The following NTNG1 variants were observed in gnomAD, a reference collection of about 807,000 sequenced individuals.
NTNG1 encodes the protein netrin-G1.
A neutral mutation model predicts 54.0 loss-of-function variants in NTNG1; 16 were observed. The observed-to-expected ratio is 0.30, with a 90% CI of 0.20 to 0.45. The LOEUF (loss-of-function observed/expected upper bound fraction) is 0.45, where lower values mean the gene tolerates loss of function less well. Among genes scored for constraint, NTNG1 ranks in the 20% least tolerant of loss-of-function variants. NTNG1 has a pLI of 1.00. For synonymous variants in NTNG1, 255 were observed against 263.1 expected, an observed-to-expected ratio of 0.97 and a Z score of 0.30; for missense variants, 530 against 678.7, an observed-to-expected ratio of 0.78 and a Z score of 2.43.
At chr1:107,274,735 T>G (rs943899167) in intron 2 of NTNG1, among the ~76,000 whole-genome samples, 11 of 152,166 alleles carry the variant, frequency 7.2e-5, no homozygotes, top group African/African-American at 2.7e-4. Flanking sequence ...TACAGACAGA[T>G]TGTAGAGGGT....
At chr1:107,262,369 A>G (rs1224817795) in intron 2 of NTNG1, among the ~76,000 whole-genome samples, 1 of 152,176 alleles carries the variant, frequency 6.6e-6, no homozygotes, top group African/African-American at 2.4e-5. Context: ...TAGAAAAGGT[A>G]TTTTGTCACA....
intron 2 of NTNG1, among the ~76,000 whole-genome samples, chr1:107,321,811 A>G (rs1667676005): frequency 6.6e-6 from 1 of 152,112 alleles, no homozygotes; most frequent in Non-Finnish European, 1.5e-5. Context: ...TCCTGTTTCT[A>G]CAACAGGGCT....
intron 6 of NTNG1, among the ~76,000 whole-genome samples, chr1:107,435,111 A>G (rs1174027797): frequency 6.6e-6 from 1 of 152,096 alleles, no homozygotes; most frequent in Non-Finnish European, 1.5e-5. Context: ...CGTTGGCCAG[A>G]TGTAACTCTG....
chr1:107,162,098 A>C (rs1268849229), intron 2 of NTNG1, among the ~76,000 whole-genome samples: 1 of 143,136 alleles, frequency 7.0e-6, no homozygotes, highest in Non-Finnish European at 1.6e-5. Context: ...ATGGAAATTT[A>C]GGAAGTTTCT....
chr1:107,295,537 G>C (rs1320702454), intron 2 of NTNG1, among the ~76,000 whole-genome samples: 1 of 152,122 alleles, frequency 6.6e-6, no homozygotes, highest in Non-Finnish European at 1.5e-5. Flanking sequence ...ATATCTGCTG[G>C]ACTTAGGTCC....
chr1:107,228,926 C>A (rs1660870093), intron 2 of NTNG1, among the ~76,000 whole-genome samples: 1 of 152,104 alleles, frequency 6.6e-6, no homozygotes, highest in Non-Finnish European at 1.5e-5. Flanking sequence ...CAGTGCATTT[C>A]TATTGAACTA....
chr1:107,444,815 G>A (rs901934951), intron 7 of NTNG1, among the ~76,000 whole-genome samples: 1 of 152,054 alleles, frequency 6.6e-6, no homozygotes, highest in African/African-American at 2.4e-5. Context: ...GCAACAGCCT[G>A]ATCCTACCTG....
chr1:107,462,154 T>A (rs1356691287), intron 7 of NTNG1, among the ~76,000 whole-genome samples: 3 of 152,218 alleles, frequency 2.0e-5, no homozygotes, highest in Non-Finnish European at 4.4e-5. Context: ...TTTTCTGTTT[T>A]CTATTGCCCT....
intron 7 of NTNG1, among the ~76,000 whole-genome samples, chr1:107,461,076 A>T (rs979246242): frequency 7.2e-5 from 11 of 152,200 alleles, no homozygotes; most frequent in African/African-American, 2.2e-4. Context: ...TTTATTCAAT[A>T]CATGTGTAAA....
At chr1:107,193,893 T>C (rs1658136676) in intron 2 of NTNG1, among the ~76,000 whole-genome samples, 1 of 151,754 alleles carries the variant, frequency 6.6e-6, no homozygotes, top group Non-Finnish European at 1.5e-5. Flanking sequence ...ACCTATAGTG[T>C]CTCTCTCCTC....
At chr1:107,362,569 G>A (rs1215150803) in intron 3 of NTNG1, among the ~76,000 whole-genome samples, 2 of 152,162 alleles carry the variant, frequency 1.3e-5, no homozygotes, top group African/African-American at 4.8e-5. Context: ...GCATGATGTA[G>A]TGCAGTGAAA....
rs146988710 is a variant in NTNG1, at chr1:107,209,987, T to C, written c.246+61148T>C. 3.3e-3 allele frequency among the ~76,000 whole-genome samples: 502 copies of C among 152,198 alleles called. 2 individuals are homozygous for C. The highest frequency in any genetic ancestry group is 0.012 in the African/African-American group (484 of 41,524). ...AGGATTGCAACTAAAAGAGATGCAATTTAAATGTTCTCTAAAGGAGGTGAT... is the reference window on the plus strand; with the variant it reads ...AGGATTGCAACTAAAAGAGATGCAACTTAAATGTTCTCTAAAGGAGGTGAT... On this transcript the variant is annotated intron_variant, in intron 2 of 7. Coordinates refer to ENST00000370068, the MANE Select transcript of NTNG1 (RefSeq NM_001113226.3).
intron 3 of NTNG1, among the ~76,000 whole-genome samples, chr1:107,374,378 G>C (rs61799243): frequency 0.14 from 20,874 of 151,914 alleles, 1,650 homozygotes; most frequent in African/African-American, 0.21. Context: ...TGTCTTAGGT[G>C]ACTTTACATT....
intron 3 of NTNG1, among the ~76,000 whole-genome samples, chr1:107,345,494 G>A (rs137857688): frequency 9.8e-5 from 15 of 152,294 alleles, no homozygotes; most frequent in African/African-American, 3.6e-4. Context: ...CAGCAAGGGA[G>A]AGCGGATTAC....
At chr1:107,211,351 A>G (rs1659586936) in intron 2 of NTNG1, among the ~76,000 whole-genome samples, 1 of 152,226 alleles carries the variant, frequency 6.6e-6, no homozygotes, top group South Asian at 2.1e-4. Flanking sequence ...CTTCATACAT[A>G]TGTAATATAT....
intron 2 of NTNG1, among the ~76,000 whole-genome samples, chr1:107,237,978 GAGGGCCACCGTCCTCC>G (rs1661532021): frequency 6.6e-6 from 1 of 152,166 alleles, no homozygotes; most frequent in South Asian, 2.1e-4. Context: ...GCTGTGAGAA[GAGGGCCACCGTCCTCC>G]AGATCCCAGA....
At position 107,426,518 on chromosome 1, in the gene NTNG1, T is replaced by A. The variant is rs76835315; in HGVS notation, c.1088-4232T>A. ...TTGTTGGATTCTCTATTCTCTTCCA[T>A]TGATCTATGTGTCTATTTTTGTACC... On this transcript the variant is annotated intron_variant, in intron 5 of 7. Coordinates refer to ENST00000370068, the MANE Select transcript of NTNG1 (RefSeq NM_001113226.3). Among the ~76,000 whole-genome samples, 101 of 152,280 alleles carry A rather than the reference T, an allele frequency of 6.6e-4. 2 individuals carry two copies. In the East Asian group the frequency reaches 0.018, roughly 27 times the overall value.
At chr1:107,410,715 C>A (rs1673741199) in intron 5 of NTNG1, 1 of 152,140 alleles carries the variant, frequency 6.6e-6, no homozygotes, top group African/African-American at 2.4e-5. Context: ...TTTGTTGCTG[C>A]CGATAATCCA....
At chr1:107,394,003 G>A (rs761805028) in intron 3 of NTNG1, among the ~76,000 whole-genome samples, 24 of 151,716 alleles carry the variant, frequency 1.6e-4, no homozygotes, top group African/African-American at 5.1e-4. Context: ...CCTGGAAGAG[G>A]CCATGTTTCT....
Sources: allele counts gnomAD v4.1 joint callset (sites outside exome capture counted in the v4.1 genomes callset), GRCh38; gene constraint gnomAD v4.1.1; transcripts MANE v1.5; gene names NCBI Gene and HGNC (gene_info 2026-07-23, HGNC 2026-07-21).